Variants in SFMBT1 observed in about 807,000 individuals in gnomAD.
The protein encoded by SFMBT1 is scm-like with four MBT domains protein 1.
In SFMBT1, 32 loss-of-function variants were observed where a neutral mutation model predicts 108.7. The observed-to-expected ratio is 0.29, with a 90% CI of 0.22 to 0.40. The LOEUF is 0.40. Among genes scored for constraint, SFMBT1 ranks in the 10% least tolerant of loss-of-function variants. SFMBT1 has a pLI of 1.00. For synonymous variants in SFMBT1, 348 were observed against 369.5 expected, an observed-to-expected ratio of 0.94 and a Z score of 0.67; for missense variants, 816 against 1,059.6, an observed-to-expected ratio of 0.77 and a Z score of 3.19.
intron 1 of SFMBT1, among the ~76,000 whole-genome samples, chr3:53,000,960 G>A (rs1337978404): frequency 2.7e-5 from 4 of 150,336 alleles, no homozygotes; most frequent in Admixed American, 6.7e-5. Flanking sequence ...TGTGGGTACA[G>A]ATGAAACCGC....
chr3:52,991,299 G>A (rs1401343572), intron 1 of SFMBT1, among the ~76,000 whole-genome samples: 1 of 147,182 alleles, frequency 6.8e-6, no homozygotes, highest in Non-Finnish European at 1.5e-5. Flanking sequence ...ACCTGCTGTG[G>A]TTTGAATGTT....
intron 1 of SFMBT1, among the ~76,000 whole-genome samples, chr3:53,000,599 T>C (rs989743281): frequency 6.7e-6 from 1 of 149,822 alleles, no homozygotes; most frequent in African/African-American, 2.4e-5. Context: ...TATATACACA[T>C]ATATAAAAGA....
chr3:52,928,076 T>C, intron 9 of SFMBT1, 115 bp downstream of exon 9: 1 of 1,336,166 alleles, frequency 7.5e-7, no homozygotes, highest in Non-Finnish European at 1.0e-6. Flanking sequence ...CCAAAAACGT[T>C]AGGAACAGGC....
rs367727549 is a variant in SFMBT1 at position 52,945,136 on chromosome 3, T to TAAAAAAAAAAAAAAA, written c.124-1558_124-1544dup. Among the ~76,000 whole-genome samples, 226 of 48,462 alleles carry TAAAAAAAAAAAAAAA rather than the reference T, an allele frequency of 4.7e-3. 24 individuals carry two copies. Among genetic ancestry groups the TAAAAAAAAAAAAAAA allele is most frequent in the East Asian group, 0.013 (19 of 1,436 alleles). The allele number at this position is 48,462 out of a possible 152,430, so 31.8% of individuals were successfully genotyped here. A position where few individuals can be genotyped will look rare whatever the true frequency, so the allele number is the denominator to read the frequency against. On this transcript the variant is annotated intron_variant, in intron 3 of 20. Transcript: ENST00000394752. ...TGATTTCCAAATACCACCTTCCAAT[T>TAAAAAAAAAAAAAAA]AAAAAAAAAAAAAAACAAGGACTTC...
intron 1 of SFMBT1, among the ~76,000 whole-genome samples, chr3:52,970,810 G>A (rs1205877012): frequency 6.6e-6 from 1 of 152,150 alleles, no homozygotes; most frequent in Non-Finnish European, 1.5e-5. Flanking sequence ...GCCTGAAAAG[G>A]TACCAGCTAC....
chr3:52,939,008 T>G (rs1049593203), intron 4 of SFMBT1, among the ~76,000 whole-genome samples: 1 of 152,236 alleles, frequency 6.6e-6, no homozygotes, highest in Non-Finnish European at 1.5e-5. Flanking sequence ...CTGTCTCATA[T>G]TTTCTCTTTC....
At chr3:53,031,786 T>C (rs1390907086) in intron 1 of SFMBT1, among the ~76,000 whole-genome samples, 1 of 152,202 alleles carries the variant, frequency 6.6e-6, no homozygotes, top group African/African-American at 2.4e-5. Context: ...CAAGGAATAA[T>C]GCATTGGTGT....
At chr3:53,006,974 T>C (rs1047028835) in intron 1 of SFMBT1, among the ~76,000 whole-genome samples, 1 of 152,224 alleles carries the variant, frequency 6.6e-6, no homozygotes, top group Non-Finnish European at 1.5e-5. Flanking sequence ...GTAAGCTCCA[T>C]GAGGGTATGC....
intron 1 of SFMBT1, among the ~76,000 whole-genome samples, chr3:53,000,262 CTT>C (rs144089705): frequency 7.4e-5 from 10 of 134,830 alleles, no homozygotes; most frequent in Admixed American, 3.0e-4. Context: ...TCTTAAGCCA[CTT>C]TTTTTTTTTT....
chr3:52,929,486 G>T (rs562210214), intron 8 of SFMBT1, among the ~76,000 whole-genome samples: 2 of 152,148 alleles, frequency 1.3e-5, no homozygotes, highest in Non-Finnish European at 2.9e-5. Flanking sequence ...TGATCTGCCT[G>T]CCCCGGCGTC....
At chr3:52,956,992 G>C (rs1389440344) in intron 2 of SFMBT1, among the ~76,000 whole-genome samples, 1 of 152,114 alleles carries the variant, frequency 6.6e-6, no homozygotes, top group Admixed American at 6.5e-5. Flanking sequence ...AGGCAAGAGA[G>C]AGTGATAAAG....
chr3:52,980,937 T>C (rs1397313874), intron 1 of SFMBT1, among the ~76,000 whole-genome samples: 2 of 151,512 alleles, frequency 1.3e-5, no homozygotes, highest in Non-Finnish European at 3.0e-5. Context: ...CCGAGGCGGG[T>C]GGATCACCTG....
intron 1 of SFMBT1, among the ~76,000 whole-genome samples, chr3:53,036,216 T>C (rs1210740167): frequency 6.6e-6 from 1 of 152,212 alleles, no homozygotes; most frequent in Non-Finnish European, 1.5e-5. Context: ...CAGTCCTGCC[T>C]GGGAGGAGAG....
intron 2 of SFMBT1, among the ~76,000 whole-genome samples, chr3:52,962,666 T>C (rs1241507264): frequency 6.6e-6 from 1 of 151,730 alleles, no homozygotes; most frequent in Admixed American, 6.6e-5. Flanking sequence ...ATTAGCCAGG[T>C]GCATGGTGGC....
At chr3:52,969,754 T>C (rs1228703713) in intron 1 of SFMBT1, among the ~76,000 whole-genome samples, 8 of 152,192 alleles carry the variant, frequency 5.3e-5, no homozygotes, top group Non-Finnish European at 1.2e-4. Context: ...AGCCTACAAT[T>C]ATAAAGAGAA....
chr3:53,002,784 T>C lies in SFMBT1; in HGVS notation c.-130-33526A>G, dbSNP rs190037813. 0.012 allele frequency among the ~76,000 whole-genome samples: 1,876 copies of C among 150,452 alleles called. 211 individuals are homozygous for C. The South Asian group carries it at 0.18, about 14-fold the overall frequency. ...CTCCTCTTTCTTTCAGCAAGTCATATGATATTCATTAACTTTCAAAGCAAT... is the reference window on the plus strand; with the variant it reads ...CTCCTCTTTCTTTCAGCAAGTCATACGATATTCATTAACTTTCAAAGCAAT... On this transcript the variant is annotated intron_variant, in intron 1 of 20. Transcript: ENST00000394752.
chr3:52,938,891 G>A (rs2581801), intron 4 of SFMBT1, among the ~76,000 whole-genome samples: 8 of 152,050 alleles, frequency 5.3e-5, no homozygotes, highest in East Asian at 3.9e-4. Flanking sequence ...CCTAGTGGAC[G>A]CCTTAGGAAG....
At chr3:53,035,201 C>T (rs1367068981) in intron 1 of SFMBT1, among the ~76,000 whole-genome samples, 1 of 148,988 alleles carries the variant, frequency 6.7e-6, no homozygotes, top group Admixed American at 6.7e-5. Flanking sequence ...TTTACCCGGC[C>T]AAATGTGGGA....
At chr3:52,944,675 A>G (rs2710332) in intron 3 of SFMBT1, among the ~76,000 whole-genome samples, 34,765 of 151,932 alleles carry the variant, frequency 0.23, 5,009 homozygotes, top group East Asian at 0.48. Flanking sequence ...GCCCGCCACA[A>G]CATCCAGCTA....
Sources: allele counts gnomAD v4.1 joint callset (sites outside exome capture counted in the v4.1 genomes callset), GRCh38; gene constraint gnomAD v4.1.1; transcripts MANE v1.5; gene names NCBI Gene and HGNC (gene_info 2026-07-23, HGNC 2026-07-21).